MYB: variants seen among roughly 807,000 people sequenced by gnomAD.
The protein encoded by MYB is MYB proto-oncogene, transcription factor.
MYB carries 28 observed loss-of-function variants against 92.9 expected under a neutral mutation model. The ratio of observed to expected loss-of-function variants is 0.30; its 90% CI spans 0.22 to 0.41. MYB has a LOEUF of 0.41. MYB is among the 10% of genes least tolerant of loss of function. The pLI is 1.00. For missense variants in MYB, 679 were observed against 929.3 expected (o/e 0.73, Z 3.50); for synonymous variants, 295 against 329.1 (o/e 0.90, Z 1.12).
rs1253719168 is a variant in MYB at position 135,188,500 on chromosome 6, T to TTTTTTTG, written c.213+617_213+623dup. 3.2e-4 allele frequency among the ~76,000 whole-genome samples: 49 copies of TTTTTTTG among 151,534 alleles called. 2 individuals carry two copies. The East Asian group carries it at 8.7e-3, about 27-fold the overall frequency. On this transcript the variant is annotated intron_variant, in intron 3 of 15. Coordinates refer to ENST00000341911, the MANE Select transcript of MYB (RefSeq NM_001130173.2). ...GTTTTCCATTTTTCTTTCTTTTTTTTTTTTTTGTTTTTTGTTTTTTGTTTT... is the reference window on the plus strand; with the variant it reads ...GTTTTCCATTTTTCTTTCTTTTTTTTTTTTTTGTTTTTTGTTTTTTGTTTTTTGTTTT...
intron 11 of MYB, 49 bp from the exon 12 acceptor site, chr6:135,200,035 AG>A (rs768302561): frequency 1.0e-5 from 14 of 1,356,018 alleles, no homozygotes; most frequent in African/African-American, 1.4e-5. Flanking sequence ...AAAGCCATGT[AG>A]GGACATTTAT....
chr6:135,195,634 A>G (rs1289688361), intron 8 of MYB, 114 bp from the exon 9 acceptor site: 2 of 1,213,508 alleles, frequency 1.6e-6, no homozygotes, highest in Non-Finnish European at 2.3e-6. Flanking sequence ...GGATGATGCA[A>G]CTACTCTTAT....
At chr6:135,184,934 G>A (rs1775721003) in intron 1 of MYB, among the ~76,000 whole-genome samples, 1 of 152,112 alleles carries the variant, frequency 6.6e-6, no homozygotes, top group East Asian at 1.9e-4. Flanking sequence ...CAAACATTAT[G>A]ATTATGATTA....
intron 1 of MYB, among the ~76,000 whole-genome samples, chr6:135,184,911 TTGA>T (rs1775716892): frequency 6.6e-6 from 1 of 152,188 alleles, no homozygotes; most frequent in Non-Finnish European, 1.5e-5. Flanking sequence ...ATCTGATCAG[TTGA>T]TTAGATTAAC....
At position 135,201,727 on chromosome 6, in the gene MYB, C is replaced by G. The variant is rs754130347; in HGVS notation, c.2039C>G (p.Thr680Ser). The G allele has an allele frequency of 6.6e-7, 1 of 1,514,234 alleles. No individual in the cohort carries two copies. The highest frequency in any genetic ancestry group is 8.9e-7 in the Non-Finnish European group (1 of 1,121,374). The allele number at this position is 1,514,234 out of a possible 1,614,324, so 93.8% of individuals were successfully genotyped here. A position where few individuals can be genotyped will look rare whatever the true frequency, so the allele number is the denominator to read the frequency against. ...CTGAATACCCAACTGTTCACGCAGACCTCGCCTGTGGCAGATGCACCGGTA... is the reference window on the plus strand; with the variant it reads ...CTGAATACCCAACTGTTCACGCAGAGCTCGCCTGTGGCAGATGCACCGGTA... ...DSLNTQLFTQ[T>S]SPVADAPNIL... Residue 680 changes from threonine to serine, a missense_variant, in exon 14 of 16, where the codon ACC (threonine) becomes AGC (serine). Physicochemically the swap from Thr to Ser is moderately conservative, Grantham distance 58. Coordinates refer to ENST00000341911, the MANE Select transcript of MYB (RefSeq NM_001130173.2).
At position 135,200,110 on chromosome 6, in the gene MYB, T is replaced by G. The variant is rs768305061; in HGVS notation, c.1735T>G (p.Ser579Ala). Residue 579 changes from serine to alanine, a missense_variant, in exon 12 of 16, where the codon TCA (serine) becomes GCA (alanine). Ser to Ala is a moderately conservative substitution (Grantham distance 99). Coordinates refer to ENST00000341911, the MANE Select transcript of MYB (RefSeq NM_001130173.2). ...TTTTAGAACCCCAGCTATCAAAAGG[T>G]CAATCTTAGAAAGCTCTCCAAGAAC... ...TVFRTPAIKR[S>A]ILESSPRTPT... is the part of the protein sequence containing the mutation. The G allele has an allele frequency of 6.2e-7, 1 of 1,614,116 alleles. No individual in the cohort carries two copies. The highest frequency in any genetic ancestry group is 8.5e-7 in the Non-Finnish European group (1 of 1,179,986).
At chr6:135,193,687 A>G in intron 6 of MYB, 151 bp from the exon 7 acceptor site, 1 of 487,562 alleles carries the variant, frequency 2.1e-6, no homozygotes, top group East Asian at 3.0e-5. Flanking sequence ...GCTAAATTTC[A>G]CATTAAAAGG....
At chr6:135,210,124 A>C (rs776707678) in intron 15 of MYB, among the ~76,000 whole-genome samples, 2 of 152,234 alleles carry the variant, frequency 1.3e-5, no homozygotes, top group Non-Finnish European at 2.9e-5. Flanking sequence ...TTTGTTTTGA[A>C]AAAAGCACAT....
chr6:135,193,759 C>T lies in MYB; in HGVS notation c.763-79C>T, dbSNP rs539649152. 3.8e-4 allele frequency: 348 copies of T among 925,088 alleles called. 1 individual carries two copies. The South Asian group carries it at 4.9e-3, about 13-fold the overall frequency. The allele number at this position is 925,088 out of a possible 1,614,324, so 57.3% of individuals were successfully genotyped here. On this transcript the variant is annotated intron_variant, in intron 6 of 15. Coordinates refer to ENST00000341911, the MANE Select transcript of MYB (RefSeq NM_001130173.2). ...TGTTTTTTTTCTCTCAGTCCCAGAA[C>T]GAAACCTCAGGAAGCCAAGTCCCCT...
intron 14 of MYB, chr6:135,202,952 T>G (rs1778338418): frequency 1.5e-6 from 1 of 676,230 alleles, no homozygotes; most frequent in South Asian, 1.5e-5. Context: ...TAGCAGATGT[T>G]TTTTGAGTGC....
At chr6:135,197,949 A>T (rs1329937127) in intron 10 of MYB, among the ~76,000 whole-genome samples, 1 of 152,212 alleles carries the variant, frequency 6.6e-6, no homozygotes, top group Non-Finnish European at 1.5e-5. Flanking sequence ...TTTTTATTTC[A>T]TACAGCTTTT....
intron 8 of MYB, chr6:135,195,096 G>A: frequency 7.9e-7 from 1 of 1,259,556 alleles, no homozygotes; most frequent in Non-Finnish European, 1.0e-6. Flanking sequence ...GTATTCCTAG[G>A]GGTAAATTTA....
At chr6:135,183,465 C>T (rs1304199130) in intron 1 of MYB, among the ~76,000 whole-genome samples, 2 of 152,182 alleles carry the variant, frequency 1.3e-5, no homozygotes, top group Non-Finnish European at 2.9e-5. Flanking sequence ...GTAACCACAC[C>T]GGGTCTAGCA....
chr6:135,206,066 C>T (rs1165968750), intron 15 of MYB, among the ~76,000 whole-genome samples: 2 of 151,178 alleles, frequency 1.3e-5, no homozygotes, highest in South Asian at 2.1e-4. Context: ...ATTAGCCGGG[C>T]GTAGTGGCGG....
rs1391112009 is a variant in MYB, at chr6:135,182,568, G to C, written c.23+1032G>C. ...CTGCGCGGCGCGCACACGTGGATGC[G>C]GCTGAGGTCGCCGCGCCTTCTCGCA... On this transcript the variant is annotated intron_variant, in intron 1 of 15. Coordinates refer to ENST00000341911, the MANE Select transcript of MYB (RefSeq NM_001130173.2). The surrounding 1 kb of genome is among the most constrained non-coding windows in gnomAD (Gnocchi z 5.6). Among the ~76,000 whole-genome samples the C allele has an allele frequency of 6.6e-6, 1 of 152,208 alleles. No homozygotes were observed. The highest frequency in any genetic ancestry group is 2.4e-5 in the African/African-American group (1 of 41,462).
chr6:135,204,132 T>A (rs189298975), intron 15 of MYB, among the ~76,000 whole-genome samples: 1 of 152,314 alleles, frequency 6.6e-6, no homozygotes, highest in East Asian at 1.9e-4. Context: ...AGGTCATATT[T>A]CTTGCTGTAA....
Position 135,193,852 on chromosome 6 carries a change from T to C in MYB, c.777T>C (p.Val259=). ...ISEAQNVSSH[V]PYPVALHVNI... The stretch of plus-strand genomic sequence containing the variant: ...TTTGCATCTAGGTCTCCAGTCATGT[T>C]CCATACCCTGTAGCGTTACATGTAA... The change falls in exon 7 of 16, where the codon GTT becomes GTC. Residue 259 remains valine, a synonymous_variant. Coordinates refer to ENST00000341911, the MANE Select transcript of MYB (RefSeq NM_001130173.2). The C allele has an allele frequency of 1.2e-6, 2 of 1,612,246 alleles. No homozygotes were observed. The highest frequency in any genetic ancestry group is 1.7e-6 in the Non-Finnish European group (2 of 1,178,266).
At chr6:135,203,505 C>T in intron 15 of MYB, 181 bp downstream of exon 15, 1 of 660,332 alleles carries the variant, frequency 1.5e-6, no homozygotes. Context: ...CCAATAATTC[C>T]TTTTTGCTAC....
Position 135,196,413 on chromosome 6 carries a change from G to T in MYB, c.1203+411G>T, listed in dbSNP as rs73776404. 7.1e-3 allele frequency among the ~76,000 whole-genome samples: 1,070 copies of T among 151,626 alleles called. 9 individuals carry two copies. The highest frequency in any genetic ancestry group is 0.023 in the African/African-American group (941 of 41,266). On this transcript the variant is annotated intron_variant, in intron 9 of 15. Coordinates refer to ENST00000341911, the MANE Select transcript of MYB (RefSeq NM_001130173.2). ...TTCTCTAGAATTTTGTCTTGCTTTT[G>T]AACAGCACATTAATGATTTGGCTTA...
Sources: allele counts gnomAD v4.1 joint callset (sites outside exome capture counted in the v4.1 genomes callset), GRCh38; gene constraint gnomAD v4.1.1; non-coding constraint Gnocchi (gnomAD v3.1); transcripts MANE v1.5; gene names NCBI Gene and HGNC (gene_info 2026-07-23, HGNC 2026-07-21).